The following ZNF695 variants were observed in gnomAD, a reference collection of about 807,000 sequenced individuals.
ZNF695 encodes zinc finger protein SBZF3.
ZNF695 carries 11 observed loss-of-function variants against 11.2 expected under a neutral mutation model. The ratio of observed to expected loss-of-function variants is 0.98; its 90% CI spans 0.62 to 1.62. ZNF695 has a LOEUF of 1.62. Ranked by LOEUF, ZNF695 falls within the 40% of genes most tolerant of loss-of-function variation. The probability of loss-of-function intolerance (pLI) is 0.00; values close to 1 mark genes in which losing one functional copy is unlikely to be tolerated. For synonymous variants in ZNF695, 190 were observed against 201.4 expected (o/e 0.94, Z 0.48); for missense variants, 559 against 590.5 (o/e 0.95, Z 0.55).
At chr1:247,005,361 G>T (rs1320144995) in intron 1 of ZNF695, among the ~76,000 whole-genome samples, 1 of 152,180 alleles carries the variant, frequency 6.6e-6, no homozygotes, top group African/African-American at 2.4e-5. Flanking sequence ...AATAAGTTGT[G>T]CTGGGAAAAA....
chr1:246,999,458 A>C lies in ZNF695; in HGVS notation c.167-18T>G, dbSNP rs764355275. 3.1e-6 allele frequency: 5 copies of C among 1,598,514 alleles called. No homozygotes were observed. In the African/African-American group the frequency reaches 5.4e-5, roughly 17 times the overall value. On this transcript the variant is annotated intron_variant, in intron 2 of 3. Transcript: ENST00000339986. The stretch of plus-strand genomic sequence containing the variant: ...AGCAAGACCTGTTTTATTAGAAAAA[A>C]GGTGCATGATTCTTGCAGGGATTCT...
At chr1:246,959,423 G>T (rs567562719) in intron 5 of ZNF695, among the ~76,000 whole-genome samples, 225 of 140,928 alleles carry the variant, frequency 1.6e-3, no homozygotes, top group African/African-American at 5.9e-3. Flanking sequence ...CCCAAAATGG[G>T]CATTTTTTTT....
intron 5 of ZNF695, chr1:246,945,905 A>C: frequency 6.6e-7 from 1 of 1,517,662 alleles, no homozygotes; most frequent in East Asian, 2.5e-5. Context: ...GAGGTGTTAA[A>C]CCGGTTCTGA....
chr1:246,979,618 T>A (rs1668653101), intron 4 of ZNF695, among the ~76,000 whole-genome samples: 1 of 152,228 alleles, frequency 6.6e-6, no homozygotes, highest in Admixed American at 6.5e-5. Flanking sequence ...GGTGAAATTA[T>A]CTAAATGAAT....
chr1:246,945,582 G>C (rs1667713931), downstream of ZNF695: 1 of 560,898 alleles, frequency 1.8e-6, no homozygotes, highest in Non-Finnish European at 3.2e-6. Flanking sequence ...CATGGAGTTA[G>C]GACAACCAAA....
chr1:246,976,594 A>T (rs1204831266), intron 4 of ZNF695, among the ~76,000 whole-genome samples: 26 of 151,592 alleles, frequency 1.7e-4, no homozygotes, highest in African/African-American at 5.8e-4. Context: ...GGAGATCGAG[A>T]CCATCCTGGC....
intron 5 of ZNF695, among the ~76,000 whole-genome samples, chr1:246,950,100 G>A (rs183584941): frequency 6.6e-6 from 1 of 152,170 alleles, no homozygotes; most frequent in Non-Finnish European, 1.5e-5. Context: ...AGGAGGTCAT[G>A]AGTTCCTGAT....
exon 6 of ZNF695, chr1:246,945,789 C>T (rs1397259784): frequency 6.5e-7 from 1 of 1,550,238 alleles, no homozygotes; most frequent in Non-Finnish European, 8.7e-7. Context: ...GGAACCTCCG[C>T]AGGGTCTTCA....
intron 5 of ZNF695, among the ~76,000 whole-genome samples, chr1:246,955,385 A>C (rs1048908979): frequency 6.6e-6 from 1 of 152,204 alleles, no homozygotes; most frequent in Non-Finnish European, 1.5e-5. Flanking sequence ...TTGTAACCTT[A>C]GGGGATCACT....
intron 5 of ZNF695, among the ~76,000 whole-genome samples, chr1:246,967,076 T>C (rs1668308994): frequency 6.6e-6 from 1 of 152,072 alleles, no homozygotes; most frequent in Admixed American, 6.6e-5. Flanking sequence ...GCAGCTGGGA[T>C]TACAGGCATG....
intron 5 of ZNF695, among the ~76,000 whole-genome samples, chr1:246,965,796 C>G (rs1668275760): frequency 6.6e-6 from 1 of 152,016 alleles, no homozygotes; most frequent in Admixed American, 6.6e-5. Flanking sequence ...GTCCCCACAG[C>G]AAGAAGGCCC....
intron 5 of ZNF695, among the ~76,000 whole-genome samples, chr1:246,963,325 C>T (rs1321481150): frequency 6.6e-6 from 1 of 152,190 alleles, no homozygotes; most frequent in African/African-American, 2.4e-5. Context: ...GCGGCTCATG[C>T]CTGTAATCCT....
rs150953959 is a variant in ZNF695 at position 246,987,457 on chromosome 1, C to A, written c.1058G>T (p.Arg353Leu). ...AAAGGCTTTTCCACATTCTTCACAT[C>A]GGAAGGTTTTCTCTCCAGTATGAAT... ...RRIHTGEKTF[R>L]CEECGKAFNQ... is the part of the protein sequence containing the mutation. Residue 353 changes from arginine (R) to leucine (L), a missense_variant, in exon 4 of 4, where the codon CGA becomes CTA. Physicochemically the swap from Arg to Leu is moderately radical, Grantham distance 102. Coordinates refer to ENST00000339986, the MANE Select transcript of ZNF695 (RefSeq NM_020394.5). 4 of 1,609,918 alleles carry A rather than the reference C, an allele frequency of 2.5e-6. No homozygotes were observed. Among genetic ancestry groups the A allele is most frequent in the African/African-American group, 2.7e-5 (2 of 74,458 alleles).
chr1:246,949,242 C>A (rs780158475), intron 5 of ZNF695, among the ~76,000 whole-genome samples: 7 of 152,056 alleles, frequency 4.6e-5, no homozygotes, highest in Non-Finnish European at 1.0e-4. Context: ...ATTTTTAGCT[C>A]TGGTTCAATC....
chr1:246,960,740 G>A (rs891315234), intron 5 of ZNF695, among the ~76,000 whole-genome samples: 8 of 151,984 alleles, frequency 5.3e-5, no homozygotes, highest in Non-Finnish European at 8.8e-5. Context: ...AGGAGTTCGC[G>A]AGCAGCCTGG....
At chr1:246,948,113 ACTC>A (rs1222941466) in intron 5 of ZNF695, among the ~76,000 whole-genome samples, 1 of 152,098 alleles carries the variant, frequency 6.6e-6, no homozygotes, top group African/African-American at 2.4e-5. Flanking sequence ...TTACCCTGTC[ACTC>A]AGACTGGAAT....
rs944635848 is a variant in ZNF695 at position 246,985,858 on chromosome 1, T to C, written c.*1109A>G. On this transcript the variant is annotated 3_prime_UTR_variant, in exon 4 of 4. Transcript: ENST00000339986. The stretch of plus-strand genomic sequence containing the variant: ...CAGGAAGCTTACAATGCAATGTCCA[T>C]AATCTTCCAAAGAAAAGGATATGAA... The C allele has an allele frequency of 6.1e-6, 6 of 985,362 alleles. No individual in the cohort carries two copies. Among genetic ancestry groups the C allele is most frequent in the African/African-American group, 5.2e-5 (3 of 57,328 alleles). The allele number at this position is 985,362 out of a possible 1,614,324, so 61.0% of individuals were successfully genotyped here.
intron 5 of ZNF695, among the ~76,000 whole-genome samples, chr1:246,947,281 C>T (rs367811993): frequency 1.3e-5 from 2 of 150,294 alleles, no homozygotes; most frequent in African/African-American, 4.9e-5. Flanking sequence ...CACTGTCATG[C>T]CTGTCATATA....
chr1:246,977,741 TTTGTA>T (rs1345992312), intron 4 of ZNF695, among the ~76,000 whole-genome samples: 2 of 152,208 alleles, frequency 1.3e-5, no homozygotes, highest in Non-Finnish European at 2.9e-5. Flanking sequence ...AGAAAAGACT[TTTGTA>T]TAGTATCAGA....
Sources: allele counts gnomAD v4.1 joint callset (sites outside exome capture counted in the v4.1 genomes callset), GRCh38; gene constraint gnomAD v4.1.1; transcripts MANE v1.5; gene names NCBI Gene and HGNC (gene_info 2026-07-23, HGNC 2026-07-21).